Variants in SRCIN1 observed in about 807,000 individuals in gnomAD.
SRCIN1 encodes SRC kinase signaling inhibitor 1.
In SRCIN1, 50 loss-of-function variants were observed where a neutral mutation model predicts 116.2. That is an observed-to-expected ratio of 0.43 (90% CI 0.34 to 0.54). The LOEUF is 0.54. Ranked by LOEUF, SRCIN1 falls within the 20% of genes least tolerant of loss-of-function variation. The pLI, the probability that SRCIN1 is intolerant of heterozygous loss-of-function variation, is 0.02. For synonymous variants in SRCIN1, 736 were observed against 750.0 expected, an observed-to-expected ratio of 0.98 and a Z score of 0.30; for missense variants, 1,446 against 1,672.0, an observed-to-expected ratio of 0.86 and a Z score of 2.36.
At position 38,560,068 on chromosome 17, in the gene SRCIN1, G is replaced by A. The variant is rs1244163502; in HGVS notation, c.1823C>T (p.Ala608Val). ...GGTTCACTCACGTGCTGAGGGGGTG[G>A]CTGCTCCATTGGAGCCTTCAATCTT... ...SEKIEGSNGA[A>V]TPSAPCGSGG... The change falls in exon 9 of 19, where the codon GCC (alanine) becomes GTC (valine). Residue 608 changes from alanine to valine, a missense_variant. Physicochemically the swap from Ala to Val is moderately conservative, Grantham distance 64. Coordinates refer to ENST00000617146, the MANE Select transcript of SRCIN1 (RefSeq NM_025248.3). The A allele has an allele frequency of 1.9e-6, 3 of 1,557,524 alleles. No homozygotes were observed. The highest frequency in any genetic ancestry group is 1.9e-5 in the Admixed American group (1 of 51,306).
Position 38,568,282 on chromosome 17 carries a change from A to C in SRCIN1, c.325-51T>G. The C allele has an allele frequency of 6.3e-6, 10 of 1,597,032 alleles. No individual in the cohort carries two copies. The highest frequency in any genetic ancestry group is 8.6e-6 in the Non-Finnish European group (10 of 1,168,618). On this transcript the variant is annotated intron_variant, in intron 2 of 18. Coordinates refer to ENST00000617146, the MANE Select transcript of SRCIN1 (RefSeq NM_025248.3). The surrounding 1 kb of genome is among the most constrained non-coding windows in gnomAD (Gnocchi z 4.5). ...TGGTTATGAGGGGGCCCAGGAGGGG[A>C]AAAGAGGGGCAGGGGCAGGTTAGAG... is the stretch of plus-strand genomic sequence containing the variant.
chr17:38,546,445 C>G (rs2057959778), intron 17 of SRCIN1: 1 of 152,344 alleles, frequency 6.6e-6, no homozygotes, highest in Non-Finnish European at 1.5e-5. Context: ...CCCACCCAGC[C>G]TTGCCACCTG....
At chr17:38,582,700 T>C (rs1907892744) in intron 1 of SRCIN1, among the ~76,000 whole-genome samples, 1 of 152,216 alleles carries the variant, frequency 6.6e-6, no homozygotes, top group African/African-American at 2.4e-5. Context: ...TGAAAAGCTT[T>C]AGAATCTGTT....
chr17:38,578,847 C>T (rs1255856911), intron 1 of SRCIN1, 56 bp from the exon 2 acceptor site: 3 of 1,443,284 alleles, frequency 2.1e-6, no homozygotes, highest in Admixed American at 5.1e-5. Flanking sequence ...CTGGGGCTGC[C>T]CATCCCCCAA....
chr17:38,599,506 C>G (rs1908904267), intron 1 of SRCIN1, among the ~76,000 whole-genome samples: 1 of 152,154 alleles, frequency 6.6e-6, no homozygotes, highest in Non-Finnish European at 1.5e-5. Flanking sequence ...CAACACTAGT[C>G]TACGGGTGCT....
At chr17:38,573,557 A>G (rs1238929952) in intron 2 of SRCIN1, among the ~76,000 whole-genome samples, 3 of 152,194 alleles carry the variant, frequency 2.0e-5, no homozygotes. Flanking sequence ...CCAGATGTGG[A>G]CAGGCCAAAA....
At chr17:38,577,790 T>G (rs1567875570) in intron 2 of SRCIN1, among the ~76,000 whole-genome samples, 1 of 152,070 alleles carries the variant, frequency 6.6e-6, no homozygotes, top group African/African-American at 2.4e-5. Context: ...GGGGGAGGTT[T>G]AAAAAGGAAC....
chr17:38,556,203 C>G (rs1040886668), intron 11 of SRCIN1, among the ~76,000 whole-genome samples: 8 of 152,210 alleles, frequency 5.3e-5, no homozygotes, highest in African/African-American at 1.9e-4. Flanking sequence ...AATGTTACCT[C>G]TAGTTTAAAA....
At chr17:38,549,889 C>T (rs1401900390) in intron 15 of SRCIN1, among the ~76,000 whole-genome samples, 1 of 152,204 alleles carries the variant, frequency 6.6e-6, no homozygotes, top group Non-Finnish European at 1.5e-5. Context: ...ACACACACAC[C>T]TTCAGGCGTT....
At position 38,582,416 on chromosome 17, in the gene SRCIN1, A is replaced by G. The variant is rs1597924387; in HGVS notation, c.23-3625T>C. Among the ~76,000 whole-genome samples the G allele has an allele frequency of 2.6e-5, 4 of 152,180 alleles. No homozygotes were observed. The South Asian group carries it at 8.3e-4, about 32-fold the overall frequency. ...TGCTGGAGCAGGCAGAGGGTAGGGC[A>G]TGGAGCTCACAACTGCACTATATGA... On this transcript the variant is annotated intron_variant, in intron 1 of 18. Coordinates refer to ENST00000617146, the MANE Select transcript of SRCIN1 (RefSeq NM_025248.3).
intron 11 of SRCIN1, among the ~76,000 whole-genome samples, chr17:38,557,365 G>A (rs935134849): frequency 2.0e-5 from 3 of 152,240 alleles, no homozygotes; most frequent in African/African-American, 7.2e-5. Flanking sequence ...TGAGGACACT[G>A]GGGCACAGAG....
chr17:38,606,090 C>T (rs71384247), upstream of SRCIN1, among the ~76,000 whole-genome samples: 514 of 150,040 alleles, frequency 3.4e-3, 2 homozygotes, highest in African/African-American at 0.012. The surrounding 1 kb of genome is among the most constrained non-coding windows in gnomAD (Gnocchi z 5.2). Context: ...TGCGCCTTCT[C>T]GCGCCCTCCA....
intron 1 of SRCIN1, among the ~76,000 whole-genome samples, chr17:38,601,638 G>GCA (rs35202404): frequency 0.36 from 50,020 of 137,602 alleles, 8,376 homozygotes; most frequent in East Asian, 0.55. Context: ...ACACACACAC[G>GCA]CACACACACA....
rs902978309 is a variant in SRCIN1 at position 38,568,984 on chromosome 17, C to T, written c.325-753G>A. On this transcript the variant is annotated intron_variant, in intron 2 of 18. Coordinates refer to ENST00000617146, the MANE Select transcript of SRCIN1 (RefSeq NM_025248.3). The surrounding 1 kb of genome is among the most constrained non-coding windows in gnomAD (Gnocchi z 4.5). The stretch of plus-strand genomic sequence containing the variant: ...CAAGGCCAAGAGAGAGAGGCCTATG[C>T]AGCATGGTGGATCTAGTTTACAGAG... 2.0e-5 allele frequency among the ~76,000 whole-genome samples: 3 copies of T among 151,932 alleles called. No homozygotes were observed. The highest frequency in any genetic ancestry group is 4.4e-5 in the Non-Finnish European group (3 of 67,998).
At chr17:38,564,022 G>A (rs2079853747) in intron 4 of SRCIN1, 96 bp downstream of exon 4, 3 of 1,380,668 alleles carry the variant, frequency 2.2e-6, no homozygotes, top group East Asian at 5.0e-5. Flanking sequence ...AGCTTGAGGC[G>A]AGCTGGCGTG....
intron 16 of SRCIN1, 46 bp downstream of exon 16, chr17:38,549,010 A>G (rs1481095547): frequency 6.2e-7 from 1 of 1,603,618 alleles, no homozygotes; most frequent in Non-Finnish European, 8.5e-7. Context: ...CTGAGGCTTC[A>G]TCCTAACTCA....
At position 38,562,147 on chromosome 17, in the gene SRCIN1, G is replaced by C; in HGVS notation, c.1016C>G (p.Ser339Trp). The change falls in exon 7 of 19, where the codon TCG becomes TGG. Residue 339 changes from serine (S) to tryptophan (W), a missense_variant. Around this residue, in one of 5 missense-constraint regions of SRCIN1, gnomAD observed 239 missense variants for 317.7 expected, o/e 0.75. Coordinates refer to ENST00000617146, the MANE Select transcript of SRCIN1 (RefSeq NM_025248.3). The surrounding 1 kb of genome is among the most constrained non-coding windows in gnomAD (Gnocchi z 4.2). ...GTGGTGCACCGGGCTGCCGGCGTAC[G>C]AAGGCGGGCGCCCCCCGGCGTACGA... ...RLSYAGGRPP[S>W]YAGSPVHHAA... The C allele has an allele frequency of 7.3e-7, 1 of 1,366,756 alleles. No individual in the cohort carries two copies. The highest frequency in any genetic ancestry group is 9.4e-7 in the Non-Finnish European group (1 of 1,067,886). 84.7% of individuals were successfully genotyped at this position (1,366,756 alleles called of 1,614,324 possible). A position where few individuals can be genotyped will look rare whatever the true frequency, so the allele number is the denominator to read the frequency against.
rs1391023439 is a variant in SRCIN1, at chr17:38,552,488, C to A, written c.2439G>T (p.Lys813Asn). The change falls in exon 13 of 19, where the codon AAG becomes AAT. Residue 813 changes from lysine to asparagine, a missense_variant. Lys to Asn is a moderately conservative substitution (Grantham distance 94). This residue lies in a region of SRCIN1 where 531 missense variants were observed against 633.9 expected (regional missense o/e 0.84). Coordinates refer to ENST00000617146, the MANE Select transcript of SRCIN1 (RefSeq NM_025248.3). This position sits in a 1 kb window ranked among gnomAD's most constrained non-coding sequence, Gnocchi z 5.3. The stretch of plus-strand genomic sequence containing the variant: ...GCGTGTCCGTGACCCCGCGGCAGCG[C>A]TTGAGGAGCCCATCCAGGCGCTGGG... The part of the protein sequence containing the change: ...EEPQRLDGLL[K>N]RCRGVTDTLA... The A allele has an allele frequency of 1.2e-6, 2 of 1,604,086 alleles. No homozygotes were observed. Among genetic ancestry groups the A allele is most frequent in the Non-Finnish European group, 1.7e-6 (2 of 1,175,768 alleles).
At chr17:38,588,247 T>C (rs1192614533) in intron 1 of SRCIN1, among the ~76,000 whole-genome samples, 1 of 152,204 alleles carries the variant, frequency 6.6e-6, no homozygotes, top group Non-Finnish European at 1.5e-5. Flanking sequence ...GTTGTGATTT[T>C]TGGCTTCTAA....
Sources: allele counts gnomAD v4.1 joint callset (sites outside exome capture counted in the v4.1 genomes callset), GRCh38; gene constraint gnomAD v4.1.1; regional missense constraint gnomAD v4.1.1; non-coding constraint Gnocchi (gnomAD v3.1); transcripts MANE v1.5; gene names NCBI Gene and HGNC (gene_info 2026-07-23, HGNC 2026-07-21).